Variants in GBX1 observed in about 807,000 individuals in gnomAD.
GBX1 encodes gastrulation brain homeobox 1.
A neutral mutation model predicts 22.9 loss-of-function variants in GBX1; 9 were observed. The ratio of observed to expected loss-of-function variants is 0.39; its 90% CI spans 0.24 to 0.69. The LOEUF (loss-of-function observed/expected upper bound fraction) is 0.69, where lower values mean the gene tolerates loss of function less well. GBX1 is among the 30% of genes least tolerant of loss of function. GBX1 has a pLI of 0.43. For missense variants in GBX1, 494 were observed against 509.2 expected (o/e 0.97, Z 0.29); for synonymous variants, 203 against 227.3 (o/e 0.89, Z 0.96).
Position 151,167,025 on chromosome 7 carries a change from A to G in GBX1, c.524T>C (p.Phe175Ser). The change falls in exon 1 of 2, where the codon TTT (phenylalanine) becomes TCT (serine). Residue 175 changes from phenylalanine (F) to serine (S), a missense_variant. This residue lies in a region of GBX1 where 365 missense variants were observed against 340.4 expected (regional missense o/e 1.07). Coordinates refer to ENST00000297537, the MANE Select transcript of GBX1 (RefSeq NM_001098834.3). This position sits in a 1 kb window ranked among gnomAD's most constrained non-coding sequence, Gnocchi z 5.9. ...PPPPPHFSETFPSLPAEGKVY... is the reference protein window; with the variant it reads ...PPPPPHFSETSPSLPAEGKVY... ...CTAGCACTTACCGGGCAGACTTGGA[A>G]AAGTCTCTGAGAAGTGCGGAGGCGG... 1 of 1,603,818 alleles carries G rather than the reference A, an allele frequency of 6.2e-7. No homozygotes were observed. Among genetic ancestry groups the G allele is most frequent in the Non-Finnish European group, 8.5e-7 (1 of 1,176,648 alleles).
chr7:151,148,520 A>G lies in GBX1; in HGVS notation c.*69T>C. 6.9e-7 allele frequency: 1 copy of G among 1,451,568 alleles called. No individual in the cohort carries two copies. Among genetic ancestry groups the G allele is most frequent in the African/African-American group, 1.4e-5 (1 of 70,896 alleles). 89.9% of individuals were successfully genotyped at this position (1,451,568 alleles called of 1,614,324 possible). The stretch of plus-strand genomic sequence containing the variant: ...CACAGTTGCAGCCCCTCTGGTCCAC[A>G]GAACCCTGACAGTCTCAGAGCAGGC... On this transcript the variant is annotated 3_prime_UTR_variant, in exon 2 of 2. Coordinates refer to ENST00000297537, the MANE Select transcript of GBX1 (RefSeq NM_001098834.3). This position sits in a 1 kb window ranked among gnomAD's most constrained non-coding sequence, Gnocchi z 5.1.
intron 1 of GBX1, among the ~76,000 whole-genome samples, chr7:151,161,481 T>G (rs1801187495): frequency 1.3e-5 from 2 of 152,244 alleles, no homozygotes; most frequent in Admixed American, 1.3e-4. Context: ...TTTGTGCCCT[T>G]AAGTCCTTTG....
chr7:151,148,524 C>A lies in GBX1; in HGVS notation c.*65G>T. The stretch of plus-strand genomic sequence containing the variant: ...GTTGCAGCCCCTCTGGTCCACAGAA[C>A]CCTGACAGTCTCAGAGCAGGCTCAG... On this transcript the variant is annotated 3_prime_UTR_variant, in exon 2 of 2. Coordinates refer to ENST00000297537, the MANE Select transcript of GBX1 (RefSeq NM_001098834.3). This position sits in a 1 kb window ranked among gnomAD's most constrained non-coding sequence, Gnocchi z 5.1. 6.8e-7 allele frequency: 1 copy of A among 1,475,304 alleles called. No individual in the cohort carries two copies. The highest frequency in any genetic ancestry group is 9.2e-7 in the Non-Finnish European group (1 of 1,083,506). The allele number at this position is 1,475,304 out of a possible 1,614,324, so 91.4% of individuals were successfully genotyped here. A position where few individuals can be genotyped will look rare whatever the true frequency, so the allele number is the denominator to read the frequency against.
Position 151,160,896 on chromosome 7 carries a change from T to C in GBX1, c.538+6115A>G, listed in dbSNP as rs58120976. Among the ~76,000 whole-genome samples the C allele has an allele frequency of 4.5e-3, 691 of 152,304 alleles. 2 individuals are homozygous for C. The highest frequency in any genetic ancestry group is 0.016 in the African/African-American group (661 of 41,570). Reference sequence around the variant, plus strand: ...TACCTTGCATAGAGAGCTCTGTCCTTTTCACTGGTTCAGACACAAAGTTTC... The same window carrying C: ...TACCTTGCATAGAGAGCTCTGTCCTCTTCACTGGTTCAGACACAAAGTTTC... On this transcript the variant is annotated intron_variant, in intron 1 of 1. Coordinates refer to ENST00000297537, the MANE Select transcript of GBX1 (RefSeq NM_001098834.3).
chr7:151,164,266 A>G (rs1801225217), intron 1 of GBX1, among the ~76,000 whole-genome samples: 1 of 152,242 alleles, frequency 6.6e-6, no homozygotes, highest in East Asian at 1.9e-4. Flanking sequence ...TCTAATGTTG[A>G]GGTTTCAATC....
At chr7:151,157,594 C>A (rs575240276) in intron 1 of GBX1, among the ~76,000 whole-genome samples, 55 of 152,258 alleles carry the variant, frequency 3.6e-4, no homozygotes, top group Non-Finnish European at 7.6e-4. Flanking sequence ...AAGGCCCATT[C>A]TTTTCCTTCT....
intron 1 of GBX1, among the ~76,000 whole-genome samples, chr7:151,161,311 T>G (rs1382834767): frequency 6.6e-6 from 1 of 152,182 alleles, no homozygotes; most frequent in African/African-American, 2.4e-5. Flanking sequence ...ATCTCCATAT[T>G]TACATGTGCC....
chr7:151,164,501 T>C (rs1563554850), intron 1 of GBX1, among the ~76,000 whole-genome samples: 2 of 152,200 alleles, frequency 1.3e-5, no homozygotes, highest in East Asian at 3.9e-4. Flanking sequence ...CCAGGAAGAG[T>C]TGGAAGCGTG....
intron 1 of GBX1, among the ~76,000 whole-genome samples, chr7:151,158,930 G>A (rs1262626971): frequency 1.3e-5 from 2 of 152,148 alleles, no homozygotes; most frequent in Non-Finnish European, 1.5e-5. Context: ...TTTTGCTGGT[G>A]AGGAAACAGA....
rs185873718 is a variant in GBX1, at chr7:151,160,876, T to G, written c.538+6135A>C. Reference sequence around the variant, plus strand: ...CTTTTGTCGGTTATGAGCACTACCTTGCATAGAGAGCTCTGTCCTTTTCAC... The same window carrying G: ...CTTTTGTCGGTTATGAGCACTACCTGGCATAGAGAGCTCTGTCCTTTTCAC... On this transcript the variant is annotated intron_variant, in intron 1 of 1. Transcript: ENST00000297537. Among the ~76,000 whole-genome samples, 53 of 152,302 alleles carry G rather than the reference T, an allele frequency of 3.5e-4. 1 individual carries two copies. Among genetic ancestry groups the G allele is most frequent in the Admixed American group, 3.3e-3 (50 of 15,290 alleles).
Position 151,167,388 on chromosome 7 carries a change from G to A in GBX1, c.161C>T (p.Pro54Leu). ...GGCCAGCGCCTGCGGCAGCACGAGC[G>A]GCCGGTAGGGCATGAACATGGGGTA... ...TGYPMFMPYR[P>L]LVLPQALAPA... The change falls in exon 1 of 2, where the codon CCG becomes CTG. Residue 54 changes from proline to leucine, a missense_variant. Pro to Leu is a moderately conservative substitution (Grantham distance 98, BLOSUM62 -3). Transcript: ENST00000297537. This position sits in a 1 kb window ranked among gnomAD's most constrained non-coding sequence, Gnocchi z 5.9. The A allele has an allele frequency of 1.3e-6, 2 of 1,513,176 alleles. No homozygotes were observed. Among genetic ancestry groups the A allele is most frequent in the Non-Finnish European group, 1.8e-6 (2 of 1,132,686 alleles). 93.7% of individuals were successfully genotyped at this position (1,513,176 alleles called of 1,614,324 possible).
In GBX1 at chr7:151,148,659, A is replaced by G. The variant is rs907006933; in HGVS notation, c.1022T>C (p.Ile341Thr). 7 of 1,613,916 alleles carry G rather than the reference A, an allele frequency of 4.3e-6. No homozygotes were observed. The highest frequency in any genetic ancestry group is 5.9e-6 in the Non-Finnish European group (7 of 1,180,022). ...AGCAAACCTGTTGACATGCACAGGT[A>G]TGGGGACAACAATCTTGGGGTTTCT... ...PVRNPKIVVP[I>T]PVHVNRFAVR... The change falls in exon 2 of 2, where the codon ATA (isoleucine) becomes ACA (threonine). Residue 341 changes from isoleucine (I) to threonine (T), a missense_variant. Around this residue, in one of 3 missense-constraint regions of GBX1, gnomAD observed 124 missense variants for 152.0 expected, o/e 0.82. Transcript: ENST00000297537. The surrounding 1 kb of genome is among the most constrained non-coding windows in gnomAD (Gnocchi z 5.1).
intron 1 of GBX1, among the ~76,000 whole-genome samples, chr7:151,164,972 TACACACACACACACAA>T (rs973300264): frequency 3.3e-5 from 5 of 150,540 alleles, no homozygotes; most frequent in African/African-American, 9.8e-5. Flanking sequence ...ACAGAACTCT[TACACACACACACACAA>T]ACACACACAC....
chr7:151,149,804 C>T lies in GBX1; in HGVS notation c.539-662G>A. 3 of 412,990 alleles carry T rather than the reference C, an allele frequency of 7.3e-6. No individual in the cohort carries two copies. In the East Asian group the frequency reaches 2.2e-4, roughly 31 times the overall value. The allele number at this position is 412,990 out of a possible 1,614,324, so 25.6% of individuals were successfully genotyped here. ...CAGTCCCTGAACCTCATTTCCATGG[C>T]TCCCAGCCATGCAGCACCTTGAGTG... On this transcript the variant is annotated intron_variant, in intron 1 of 1. Coordinates refer to ENST00000297537, the MANE Select transcript of GBX1 (RefSeq NM_001098834.3).
At chr7:151,150,453 C>T (rs1032496396) in intron 1 of GBX1, among the ~76,000 whole-genome samples, 3 of 152,182 alleles carry the variant, frequency 2.0e-5, no homozygotes, top group Non-Finnish European at 2.9e-5. Context: ...CTCCCTGTAT[C>T]GGCCACATAT....
Position 151,148,298 on chromosome 7 carries a change from C to T in GBX1, c.*291G>A, listed in dbSNP as rs1801036713. Among the ~76,000 whole-genome samples, 1 of 152,202 alleles carries T rather than the reference C, an allele frequency of 6.6e-6. No homozygotes were observed. The highest frequency in any genetic ancestry group is 2.4e-5 in the African/African-American group (1 of 41,448). ...CCTTAGGCATCTTAGAACCCACCCC[C>T]TCCCCAGGAGTCCACCTCAGTCCCA... On this transcript the variant is annotated 3_prime_UTR_variant, in exon 2 of 2. Coordinates refer to ENST00000297537, the MANE Select transcript of GBX1 (RefSeq NM_001098834.3). The surrounding 1 kb of genome is among the most constrained non-coding windows in gnomAD (Gnocchi z 5.1).
chr7:151,155,388 T>C (rs1321409267), intron 1 of GBX1, among the ~76,000 whole-genome samples: 1 of 152,216 alleles, frequency 6.6e-6, no homozygotes, highest in East Asian at 1.9e-4. Flanking sequence ...GAATTATTTC[T>C]CTGTTCTTTT....
At chr7:151,161,033 ACTTCT>A (rs1484188387) in intron 1 of GBX1, among the ~76,000 whole-genome samples, 1 of 151,762 alleles carries the variant, frequency 6.6e-6, no homozygotes, top group African/African-American at 2.4e-5. Context: ...CTACTCAATT[ACTTCT>A]CTTCTATTTC....
intron 1 of GBX1, among the ~76,000 whole-genome samples, chr7:151,149,576 C>T (rs902752124): frequency 3.3e-5 from 5 of 152,164 alleles, no homozygotes; most frequent in Non-Finnish European, 7.3e-5. Context: ...CAGAATGAAG[C>T]AGTATGGGAC....
Sources: gnomAD v4.1 joint callset for allele counts (sites outside exome capture counted in the v4.1 genomes callset) on GRCh38, gnomAD v4.1.1 for gene constraint, gnomAD v4.1.1 regional missense constraint, Gnocchi (gnomAD v3.1) non-coding constraint, MANE v1.5 for transcripts, NCBI Gene and HGNC (gene_info 2026-07-23, HGNC 2026-07-21) for gene names.